Variants in TBC1D2 observed in about 807,000 individuals in gnomAD.
TBC1D2 encodes TBC1 domain family member 2A.
TBC1D2 carries 58 observed loss-of-function variants against 91.1 expected under a neutral mutation model. The observed-to-expected ratio is 0.64, with a 90% CI of 0.52 to 0.79. The LOEUF is 0.79. Ranked by LOEUF, TBC1D2 falls within the 30% of genes least tolerant of loss-of-function variation. The pLI is 0.00. For missense variants in TBC1D2, 1,080 were observed against 1,208.3 expected (o/e 0.89, Z 1.57); for synonymous variants, 482 against 511.5 (o/e 0.94, Z 0.78).
At chr9:98,244,695 A>G (rs114796120) in intron 2 of TBC1D2, among the ~76,000 whole-genome samples, 2,312 of 149,060 alleles carry the variant, frequency 0.016, 56 homozygotes, top group African/African-American at 0.054. Flanking sequence ...GCAGACCTAC[A>G]GTTAATTCTA....
At chr9:98,223,747 C>T (rs958466879) in intron 5 of TBC1D2, among the ~76,000 whole-genome samples, 2 of 152,210 alleles carry the variant, frequency 1.3e-5, no homozygotes, top group Non-Finnish European at 2.9e-5. Context: ...TCTCCTCCCA[C>T]CCCCAGAATT....
At chr9:98,218,516 G>A (rs934740683) in intron 6 of TBC1D2, among the ~76,000 whole-genome samples, 3 of 152,044 alleles carry the variant, frequency 2.0e-5, no homozygotes, top group Admixed American at 6.5e-5. Context: ...GCAGTGAGCC[G>A]AGACCGCGCC....
chr9:98,250,658 C>G (rs1029931794), intron 2 of TBC1D2, among the ~76,000 whole-genome samples: 1 of 152,112 alleles, frequency 6.6e-6, no homozygotes. Flanking sequence ...TTTGGACATG[C>G]AAAGCACCCA....
At chr9:98,215,265 G>A (rs1351896015) in intron 6 of TBC1D2, among the ~76,000 whole-genome samples, 1 of 152,122 alleles carries the variant, frequency 6.6e-6, no homozygotes, top group Non-Finnish European at 1.5e-5. Flanking sequence ...ACTCTCTCTG[G>A]AGTCTAACAC....
At chr9:98,231,864 TCTA>T (rs1334881963) in intron 4 of TBC1D2, among the ~76,000 whole-genome samples, 1 of 152,146 alleles carries the variant, frequency 6.6e-6, no homozygotes, top group Non-Finnish European at 1.5e-5. Context: ...TTGAAAAGAT[TCTA>T]CTAAGTCAAA....
chr9:98,248,781 C>T (rs1829815151), intron 2 of TBC1D2, among the ~76,000 whole-genome samples: 1 of 152,106 alleles, frequency 6.6e-6, no homozygotes, highest in Non-Finnish European at 1.5e-5. Flanking sequence ...TTATACAGGT[C>T]CTTTGTAAAC....
At position 98,209,160 on chromosome 9, in the gene TBC1D2, C is replaced by T. The variant is rs200137402; in HGVS notation, c.1674-16G>A. 10 of 1,601,006 alleles carry T rather than the reference C, an allele frequency of 6.2e-6. No individual in the cohort carries two copies. The Middle Eastern group carries it at 5.0e-4, about 80-fold the overall frequency. On this transcript the variant is annotated splice_polypyrimidine_tract_variant and intron_variant, in intron 8 of 12. Transcript: ENST00000465784. ...ATCATACTTACTGCCAGCAAAAGTG[C>T]ACGTTAGCAACACCTTGCAGAGCCC...
At chr9:98,229,298 G>A in intron 4 of TBC1D2, 150 bp from the exon 5 acceptor site, 2 of 688,592 alleles carry the variant, frequency 2.9e-6, no homozygotes, top group Non-Finnish European at 2.4e-6. Flanking sequence ...TCTGGGGCAG[G>A]GCTTGAGAAT....
intron 3 of TBC1D2, among the ~76,000 whole-genome samples, chr9:98,240,166 G>GGTGTGTGTGT (rs60630078): frequency 0.019 from 2,671 of 137,932 alleles, 32 homozygotes; most frequent in African/African-American, 0.028. Flanking sequence ...GTGTTTGTGT[G>GGTGTGTGTGT]GTGTGTGTGT....
intron 10 of TBC1D2, among the ~76,000 whole-genome samples, chr9:98,202,969 G>A (rs1828547013): frequency 6.6e-6 from 1 of 152,266 alleles, no homozygotes; most frequent in African/African-American, 2.4e-5. Context: ...CACAGTGCTG[G>A]AGGCGATGCA....
intron 3 of TBC1D2, among the ~76,000 whole-genome samples, chr9:98,236,342 G>A (rs1350112654): frequency 6.6e-6 from 1 of 151,916 alleles, no homozygotes; most frequent in African/African-American, 2.4e-5. Flanking sequence ...TCCTGCCTCA[G>A]CCTGCCGAGT....
chr9:98,227,484 C>T lies in TBC1D2; in HGVS notation c.978+1468G>A, dbSNP rs556057269. Among the ~76,000 whole-genome samples the T allele has an allele frequency of 5.3e-5, 8 of 152,246 alleles. No individual in the cohort carries two copies. In the South Asian group the frequency reaches 1.0e-3, roughly 20 times the overall value. Reference sequence around the variant, plus strand: ...ACTAAATGTAACTCCTGGCCAGGCACGGTGGCTCACGCCTGTAATCCCAGC... The same window carrying T: ...ACTAAATGTAACTCCTGGCCAGGCATGGTGGCTCACGCCTGTAATCCCAGC... On this transcript the variant is annotated intron_variant, in intron 5 of 12. Coordinates refer to ENST00000465784, the MANE Select transcript of TBC1D2 (RefSeq NM_001267571.2).
At chr9:98,205,439 T>C (rs1828624437) in intron 9 of TBC1D2, among the ~76,000 whole-genome samples, 2 of 152,384 alleles carry the variant, frequency 1.3e-5, no homozygotes, top group African/African-American at 4.8e-5. Flanking sequence ...CTTATTTTCA[T>C]AGGTTTAAAA....
At chr9:98,203,440 C>T (rs1828565940) in intron 9 of TBC1D2, 32 bp from the exon 10 acceptor site, 2 of 1,611,100 alleles carry the variant, frequency 1.2e-6, no homozygotes, top group African/African-American at 1.3e-5. Context: ...GGAGTGATTA[C>T]AGAAGCCGTG....
At chr9:98,224,705 T>A (rs774424104) in intron 5 of TBC1D2, among the ~76,000 whole-genome samples, 4 of 152,226 alleles carry the variant, frequency 2.6e-5, no homozygotes, top group Non-Finnish European at 5.9e-5. Flanking sequence ...TAAAAAATAA[T>A]CCTTTATCTT....
At chr9:98,237,955 G>A (rs1227915848) in intron 3 of TBC1D2, among the ~76,000 whole-genome samples, 4 of 147,654 alleles carry the variant, frequency 2.7e-5, no homozygotes, top group African/African-American at 1.0e-4. Context: ...CCAGGCTGGA[G>A]TGCAGTGGCA....
At chr9:98,236,474 T>C (rs1423926639) in intron 3 of TBC1D2, among the ~76,000 whole-genome samples, 1 of 152,142 alleles carries the variant, frequency 6.6e-6, no homozygotes, top group East Asian at 1.9e-4. Flanking sequence ...CCACCCGCCT[T>C]GGCTTCCCAA....
chr9:98,241,292 C>A lies in TBC1D2; in HGVS notation c.647+2702G>T, dbSNP rs1829630499. Reference sequence around the variant, plus strand: ...TTGAGGACTTAACCATGTGATGATACCACTTCACAGGTTTGTCTAGAGAAC... The same window carrying A: ...TTGAGGACTTAACCATGTGATGATAACACTTCACAGGTTTGTCTAGAGAAC... On this transcript the variant is annotated intron_variant, in intron 3 of 12. Coordinates refer to ENST00000465784, the MANE Select transcript of TBC1D2 (RefSeq NM_001267571.2). Among the ~76,000 whole-genome samples the A allele has an allele frequency of 2.6e-5, 4 of 152,170 alleles. No individual in the cohort carries two copies. In the South Asian group the frequency reaches 8.3e-4, roughly 32 times the overall value.
intron 3 of TBC1D2, 91 bp from the exon 4 acceptor site, chr9:98,233,640 T>C: frequency 6.5e-7 from 1 of 1,549,950 alleles, no homozygotes; most frequent in East Asian, 2.3e-5. Flanking sequence ...AGCTCAGGTC[T>C]CATCCCCACA....
Sources: allele counts gnomAD v4.1 joint callset (sites outside exome capture counted in the v4.1 genomes callset), GRCh38; gene constraint gnomAD v4.1.1; transcripts MANE v1.5; gene names NCBI Gene and HGNC (gene_info 2026-07-23, HGNC 2026-07-21).